TMEM267: variants seen among roughly 807,000 people sequenced by gnomAD.
TMEM267 encodes transmembrane protein C5orf28.
A neutral mutation model predicts 19.3 loss-of-function variants in TMEM267; 20 were observed. That is an observed-to-expected ratio of 1.04 (90% CI 0.73 to 1.51). The LOEUF is 1.51. Ranked by LOEUF, TMEM267 falls within the 40% of genes most tolerant of loss-of-function variation. The pLI is 0.00. For synonymous variants in TMEM267, 88 were observed against 90.3 expected, an observed-to-expected ratio of 0.97 and a Z score of 0.15; for missense variants, 242 against 261.9, an observed-to-expected ratio of 0.92 and a Z score of 0.52.
chr5:43,453,839 T>C lies in TMEM267; in HGVS notation c.131A>G (p.Gln44Arg), dbSNP rs572796924. The C allele has an allele frequency of 7.4e-6, 12 of 1,614,164 alleles. No individual in the cohort carries two copies. The South Asian group carries it at 7.7e-5, about 10-fold the overall frequency. Residue 44 changes from glutamine (Q) to arginine (R), a missense_variant, in exon 2 of 3, where the codon CAA becomes CGA. Physicochemically the swap from Gln to Arg is conservative, Grantham distance 43 (BLOSUM62 1). Transcript: ENST00000397080. ...DRLLQFSTIQ[Q>R]NDWLRALSDN... ...TGAGAGAGCACGAAGCCAGTCATTT[T>C]GCTGAATTGTGGAAAACTGAAGAAG...
intron 2 of TMEM267, among the ~76,000 whole-genome samples, chr5:43,452,618 G>C (rs1351826284): frequency 6.9e-6 from 1 of 144,226 alleles, no homozygotes; most frequent in Non-Finnish European, 1.5e-5. Context: ...GAAAAGAAAA[G>C]TACTCTACTA....
intron 1 of TMEM267, among the ~76,000 whole-genome samples, chr5:43,473,964 A>T (rs1331270551): frequency 6.6e-6 from 1 of 152,212 alleles, no homozygotes; most frequent in Non-Finnish European, 1.5e-5. Context: ...AACACCACAC[A>T]TCTACAACCA....
At chr5:43,453,563 G>T in intron 2 of TMEM267, 95 bp downstream of exon 2, 1 of 1,156,904 alleles carries the variant, frequency 8.6e-7, no homozygotes, top group Non-Finnish European at 1.2e-6. Context: ...CCTATTTTAA[G>T]ACAAATCCTC....
At chr5:43,463,337 C>A (rs1427497852) in intron 1 of TMEM267, among the ~76,000 whole-genome samples, 1 of 152,196 alleles carries the variant, frequency 6.6e-6, no homozygotes, top group Non-Finnish European at 1.5e-5. Context: ...CAGATGTATT[C>A]ACAGCCGAAT....
chr5:43,462,285 A>G (rs759454778), intron 1 of TMEM267, among the ~76,000 whole-genome samples: 5 of 152,198 alleles, frequency 3.3e-5, no homozygotes, highest in African/African-American at 4.8e-5. Context: ...GTCCTTTCAA[A>G]TATCTGGAAA....
intron 1 of TMEM267, among the ~76,000 whole-genome samples, chr5:43,459,662 G>A (rs1037556831): frequency 3.3e-5 from 5 of 152,122 alleles, no homozygotes; most frequent in African/African-American, 1.2e-4. Flanking sequence ...GTTCTATGGG[G>A]TAAGAGGATG....
At chr5:43,467,865 A>G (rs13179680) in intron 1 of TMEM267, among the ~76,000 whole-genome samples, 2,114 of 152,208 alleles carry the variant, frequency 0.014, 59 homozygotes, top group East Asian at 0.13. Flanking sequence ...GAATGCAACC[A>G]TCTGTCTCTC....
chr5:43,483,326 T>C (rs1206004793), intron 1 of TMEM267, among the ~76,000 whole-genome samples: 2 of 152,196 alleles, frequency 1.3e-5, no homozygotes, highest in South Asian at 4.1e-4. Context: ...TCTGGTGTGA[T>C]GCAATAATTT....
Position 43,446,045 on chromosome 5 carries a change from T to A in TMEM267, c.*177A>T, listed in dbSNP as rs1742214653. ...GTTGTCATAGAAGAGAGAAGTAGAA[T>A]AATAACAAGTATAATTTTTAAAAAA... On this transcript the variant is annotated 3_prime_UTR_variant, in exon 3 of 3. Coordinates refer to ENST00000397080, the MANE Select transcript of TMEM267 (RefSeq NM_022483.5). The A allele has an allele frequency of 6.7e-6, 3 of 447,934 alleles. No individual in the cohort carries two copies. The highest frequency in any genetic ancestry group is 7.9e-6 in the Non-Finnish European group (2 of 253,944). The allele number at this position is 447,934 out of a possible 1,614,324, so 27.7% of individuals were successfully genotyped here.
At chr5:43,450,274 G>A (rs1002302469) in intron 2 of TMEM267, among the ~76,000 whole-genome samples, 2 of 152,114 alleles carry the variant, frequency 1.3e-5, no homozygotes, top group East Asian at 1.9e-4. Flanking sequence ...TTACAGGCAT[G>A]AGCCACTGCG....
chr5:43,461,414 C>G (rs1267724366), intron 1 of TMEM267, among the ~76,000 whole-genome samples: 1 of 152,096 alleles, frequency 6.6e-6, no homozygotes, highest in East Asian at 1.9e-4. Flanking sequence ...AGAGAGAAAA[C>G]TAAAGGGGAC....
intron 1 of TMEM267, among the ~76,000 whole-genome samples, chr5:43,480,645 C>A (rs1348716399): frequency 1.3e-5 from 2 of 151,594 alleles, no homozygotes; most frequent in South Asian, 2.1e-4. Context: ...TATTTTCAAC[C>A]CTCATTCCAG....
intron 1 of TMEM267, among the ~76,000 whole-genome samples, chr5:43,483,217 A>G (rs1744901744): frequency 6.6e-6 from 1 of 152,262 alleles, no homozygotes; most frequent in South Asian, 2.1e-4. Context: ...AGATGTCTGC[A>G]CTTAAAATGT....
At chr5:43,481,792 G>T (rs943117217) in intron 1 of TMEM267, among the ~76,000 whole-genome samples, 3 of 152,064 alleles carry the variant, frequency 2.0e-5, no homozygotes, top group Non-Finnish European at 4.4e-5. Flanking sequence ...AGAACCGCCA[G>T]CTAAGTCTTG....
intron 1 of TMEM267, among the ~76,000 whole-genome samples, chr5:43,458,916 CTTAAGGGGAAAA>C (rs1362811658): frequency 6.6e-6 from 1 of 150,888 alleles, no homozygotes; most frequent in African/African-American, 2.4e-5. Context: ...TTTTCCAAAG[CTTAAGGGGAAAA>C]TATAAGACAA....
intron 1 of TMEM267, among the ~76,000 whole-genome samples, chr5:43,465,334 G>A (rs1251664611): frequency 1.3e-5 from 2 of 152,208 alleles, no homozygotes; most frequent in Admixed American, 1.3e-4. Context: ...TGTGGATGTG[G>A]AGAAATAGGG....
intron 1 of TMEM267, among the ~76,000 whole-genome samples, chr5:43,455,558 TA>T (rs1742896899): frequency 6.6e-6 from 1 of 152,306 alleles, no homozygotes; most frequent in Admixed American, 6.5e-5. Context: ...TTTATGTATT[TA>T]TTTTTTGAGA....
intron 2 of TMEM267, among the ~76,000 whole-genome samples, chr5:43,450,049 T>C (rs1316117409): frequency 6.6e-6 from 1 of 151,818 alleles, no homozygotes; most frequent in East Asian, 1.9e-4. Flanking sequence ...GGCTGGAGTA[T>C]AGTGGCACAA....
At chr5:43,459,316 C>A (rs1743125481) in intron 1 of TMEM267, among the ~76,000 whole-genome samples, 1 of 151,894 alleles carries the variant, frequency 6.6e-6, no homozygotes, top group Non-Finnish European at 1.5e-5. Flanking sequence ...AAAAAGAAAA[C>A]CTTACTTCCC....
Sources: allele counts gnomAD v4.1 joint callset (sites outside exome capture counted in the v4.1 genomes callset), GRCh38; gene constraint gnomAD v4.1.1; transcripts MANE v1.5; gene names NCBI Gene and HGNC (gene_info 2026-07-23, HGNC 2026-07-21).